The following NAV2 variants were observed in gnomAD, a reference collection of about 807,000 sequenced individuals.
NAV2 encodes the protein neuron navigator 2.
A neutral mutation model predicts 223.2 loss-of-function variants in NAV2; 54 were observed. The observed-to-expected ratio is 0.24, with a 90% CI of 0.19 to 0.30. The LOEUF (loss-of-function observed/expected upper bound fraction) is 0.30. Ranked by LOEUF, NAV2 falls within the 10% of genes least tolerant of loss-of-function variation. The probability of loss-of-function intolerance (pLI) is 1.00; values close to 1 mark genes in which losing one functional copy is unlikely to be tolerated. For synonymous variants in NAV2, 1,279 were observed against 1,239.3 expected (o/e 1.03, Z -0.67); for missense variants, 2,806 against 3,147.5 (o/e 0.89, Z 2.60).
rs747095200 is a variant in NAV2, at chr11:19,892,511, A to C, written c.848A>C (p.Asn283Thr). 3.1e-6 allele frequency: 5 copies of C among 1,614,238 alleles called. No homozygotes were observed. Among genetic ancestry groups the C allele is most frequent in the South Asian group, 1.1e-5 (1 of 91,072 alleles). The stretch of plus-strand genomic sequence containing the variant: ...CGCGGAGGGTCAACTACTGCTAACA[A>C]CCGACGCAGCCAGAGCTTTAACAAC... ...KTRGGSTTAN[N>T]RRSQSFNNYD... The change falls in exon 6 of 38, where the codon AAC (asparagine) becomes ACC (threonine). Residue 283 changes from asparagine to threonine, a missense_variant. By Grantham distance (65) the Asn-to-Thr change is moderately conservative. Around this residue, in one of 4 missense-constraint regions of NAV2, gnomAD observed 1,167 missense variants for 1,180.5 expected, o/e 0.99. Transcript: ENST00000349880.
At position 20,095,774 on chromosome 11, in the gene NAV2, G is replaced by A; in HGVS notation, c.6012+7G>A. ...GGTTAGACGGCTGTTCAAAGTAAGT[G>A]TTTCAAGACAACGGCTACAGCATAC... On this transcript the variant is annotated splice_region_variant and intron_variant, in intron 30 of 37. Transcript: ENST00000349880. 1 of 1,609,814 alleles carries A rather than the reference G, an allele frequency of 6.2e-7. No individual in the cohort carries two copies. Among genetic ancestry groups the A allele is most frequent in the Non-Finnish European group, 8.5e-7 (1 of 1,176,054 alleles).
intron 1 of NAV2, among the ~76,000 whole-genome samples, chr11:19,551,172 A>C (rs1376400692): frequency 6.6e-6 from 1 of 152,250 alleles, no homozygotes; most frequent in African/African-American, 2.4e-5. Flanking sequence ...GCTAAGCCCC[A>C]CTTTGGGGTT....
At chr11:19,885,596 T>A (rs899919869) in intron 5 of NAV2, among the ~76,000 whole-genome samples, 1 of 152,244 alleles carries the variant, frequency 6.6e-6, no homozygotes, top group African/African-American at 2.4e-5. Context: ...TGGTTCACAG[T>A]ATGAATTTAC....
rs2063410640 is a variant in NAV2 at position 20,120,349 on chromosome 11, G to A, written c.*2091G>A. ...CTTCATTAGTCATCTGGGTGTGAGT[G>A]TGTCTTGTTCTGTTTTTCTTTTTAA... is the stretch of plus-strand genomic sequence containing the variant. On this transcript the variant is annotated 3_prime_UTR_variant, in exon 38 of 38. Coordinates refer to ENST00000349880, the MANE Select transcript of NAV2 (RefSeq NM_145117.5). 1.3e-5 allele frequency: 2 copies of A among 152,432 alleles called. No homozygotes were observed. Among genetic ancestry groups the A allele is most frequent in the African/African-American group, 4.8e-5 (2 of 41,444 alleles). 9.4% of individuals were successfully genotyped at this position (152,432 alleles called of 1,614,324 possible). A position where few individuals can be genotyped will look rare whatever the true frequency, so the allele number is the denominator to read the frequency against.
intron 1 of NAV2, among the ~76,000 whole-genome samples, chr11:19,592,019 T>C (rs1193478026): frequency 9.2e-5 from 14 of 152,202 alleles, no homozygotes; most frequent in Admixed American, 9.2e-4. Flanking sequence ...ATCACACTTA[T>C]TGATCTTCCC....
At chr11:20,022,990 G>C (rs952369468) in intron 11 of NAV2, 1 of 1,450,662 alleles carries the variant, frequency 6.9e-7, no homozygotes, top group Non-Finnish European at 9.4e-7. Flanking sequence ...GAGTTGCTGG[G>C]TGCCTGGGAT....
intron 1 of NAV2, among the ~76,000 whole-genome samples, chr11:19,554,187 C>T (rs536727013): frequency 1.3e-5 from 2 of 152,302 alleles, no homozygotes; most frequent in South Asian, 2.1e-4. Context: ...TACGTGCAGG[C>T]ATTTACTTTA....
chr11:19,901,070 G>C (rs1327239897), intron 6 of NAV2, among the ~76,000 whole-genome samples: 1 of 152,154 alleles, frequency 6.6e-6, no homozygotes, highest in Non-Finnish European at 1.5e-5. Context: ...TGATTCATGA[G>C]CCATCTCATC....
At chr11:19,709,094 T>C (rs1053041043), upstream of NAV2, among the ~76,000 whole-genome samples, 1 of 152,136 alleles carries the variant, frequency 6.6e-6, no homozygotes, top group Non-Finnish European at 1.5e-5. Flanking sequence ...AGGCCGTTTT[T>C]ATAATTTGAG....
rs773413300 is a variant in NAV2 at position 19,713,925 on chromosome 11, G to T, written c.230G>T (p.Arg77Leu). Residue 77 changes from arginine (R) to leucine (L), a missense_variant, in exon 1 of 38, where the codon CGG becomes CTG. By Grantham distance (102) the Arg-to-Leu change is moderately radical. Around this residue, in one of 4 missense-constraint regions of NAV2, gnomAD observed 1,167 missense variants for 1,180.5 expected, o/e 0.99. Coordinates refer to ENST00000349880, the MANE Select transcript of NAV2 (RefSeq NM_145117.5). This position sits in a 1 kb window ranked among gnomAD's most constrained non-coding sequence, Gnocchi z 7.2. ...CCAGCGGGGGAGGGGCTCCCGCTGC[G>T]GAAGAGCGGCTCGGTGGAAAACGGG... ...QEPAGEGLPLRKSGSVENGFD... is the reference protein window; with the variant it reads ...QEPAGEGLPLLKSGSVENGFD... The T allele has an allele frequency of 6.2e-7, 1 of 1,613,552 alleles. No homozygotes were observed. The highest frequency in any genetic ancestry group is 2.2e-5 in the East Asian group (1 of 44,878).
At chr11:19,689,830 G>T (rs932518296) in intron 1 of NAV2, among the ~76,000 whole-genome samples, 2 of 152,196 alleles carry the variant, frequency 1.3e-5, no homozygotes, top group African/African-American at 4.8e-5. Flanking sequence ...TTCATCATGA[G>T]GGTGCTGAGT....
At chr11:19,796,446 G>T (rs2057903891) in intron 1 of NAV2, among the ~76,000 whole-genome samples, 2 of 152,122 alleles carry the variant, frequency 1.3e-5, no homozygotes, top group Non-Finnish European at 2.9e-5. Flanking sequence ...ACCCTTTCTT[G>T]GTGCCATATA....
intron 1 of NAV2, among the ~76,000 whole-genome samples, chr11:19,388,571 T>A (rs1223602286): frequency 5.3e-5 from 8 of 152,256 alleles, no homozygotes; most frequent in Middle Eastern, 3.4e-3. Context: ...TGAATGGGGA[T>A]TTTGGCTGGG....
chr11:20,033,993 G>A (rs1203801733), intron 11 of NAV2, among the ~76,000 whole-genome samples: 2 of 152,152 alleles, frequency 1.3e-5, no homozygotes, highest in Non-Finnish European at 2.9e-5. Context: ...CTGGCTGAGC[G>A]GCCTTTAACC....
intron 16 of NAV2, among the ~76,000 whole-genome samples, chr11:20,050,155 C>T (rs2057838040): frequency 6.6e-6 from 1 of 152,190 alleles, no homozygotes; most frequent in Non-Finnish European, 1.5e-5. Flanking sequence ...GCCACTTGAT[C>T]TGGGGCAGCG....
chr11:19,627,842 G>C (rs1023984), intron 1 of NAV2, among the ~76,000 whole-genome samples: 150,105 of 150,426 alleles, frequency 1, 74,893 homozygotes, highest in Middle Eastern at 1. Flanking sequence ...GTTCTAATCC[G>C]ACATATACCT....
intron 1 of NAV2, among the ~76,000 whole-genome samples, chr11:19,650,177 T>C (rs1325924550): frequency 2.0e-5 from 3 of 152,192 alleles, no homozygotes; most frequent in Non-Finnish European, 2.9e-5. Flanking sequence ...TAAGATGAGA[T>C]CATGAAGTTG....
intron 1 of NAV2, among the ~76,000 whole-genome samples, chr11:19,759,291 G>T (rs893312937): frequency 6.6e-6 from 1 of 151,928 alleles, no homozygotes; most frequent in Non-Finnish European, 1.5e-5. Context: ...CACCGTGTTA[G>T]CCAGGATGGT....
chr11:19,734,162 C>T (rs2052059539), intron 1 of NAV2, among the ~76,000 whole-genome samples: 1 of 152,108 alleles, frequency 6.6e-6, no homozygotes, highest in Non-Finnish European at 1.5e-5. Flanking sequence ...GGAGAGTCTA[C>T]AATGAATTCA....
Sources: gnomAD v4.1 joint callset for allele counts (sites outside exome capture counted in the v4.1 genomes callset) on GRCh38, gnomAD v4.1.1 for gene constraint, gnomAD v4.1.1 regional missense constraint, Gnocchi (gnomAD v3.1) non-coding constraint, MANE v1.5 for transcripts, NCBI Gene and HGNC (gene_info 2026-07-23, HGNC 2026-07-21) for gene names.